TAB2: variants seen among roughly 807,000 people sequenced by gnomAD.
The protein encoded by TAB2 is TGF-beta activated kinase 1 (MAP3K7) binding protein 2.
In TAB2, 3 loss-of-function variants were observed where a neutral mutation model predicts 65.0. That is an observed-to-expected ratio of 0.05 (90% CI 0.02 to 0.12). The LOEUF is 0.12. TAB2 is among the 10% of genes least tolerant of loss of function. The pLI is 1.00. For synonymous variants in TAB2, 298 were observed against 285.1 expected (o/e 1.05, Z -0.46); for missense variants, 623 against 840.3 (o/e 0.74, Z 3.20).
At chr6:149,238,849 T>C (rs1432856575) in intron 1 of TAB2, among the ~76,000 whole-genome samples, 1 of 152,200 alleles carries the variant, frequency 6.6e-6, no homozygotes, top group Non-Finnish European at 1.5e-5. Flanking sequence ...GCTTCTTGAC[T>C]TACTCATGGA....
intron 1 of TAB2, among the ~76,000 whole-genome samples, chr6:149,271,137 G>A (rs1000141325): frequency 6.6e-6 from 1 of 152,024 alleles, no homozygotes; most frequent in Non-Finnish European, 1.5e-5. Flanking sequence ...GAGCCCAGGA[G>A]TTAGAGGCTG....
chr6:149,239,773 A>G (rs1777563470), intron 1 of TAB2, among the ~76,000 whole-genome samples: 1 of 152,194 alleles, frequency 6.6e-6, no homozygotes, highest in Non-Finnish European at 1.5e-5. Flanking sequence ...GAGCACCTAT[A>G]TGTGCCAGAC....
chr6:149,359,487 TG>T (rs1407831334), intron 1 of TAB2, among the ~76,000 whole-genome samples: 1 of 152,236 alleles, frequency 6.6e-6, no homozygotes, highest in African/African-American at 2.4e-5. Flanking sequence ...GGCTTCTATG[TG>T]GCAATGGATA....
At chr6:149,257,776 A>C (rs1189798728) in intron 1 of TAB2, among the ~76,000 whole-genome samples, 1 of 152,022 alleles carries the variant, frequency 6.6e-6, no homozygotes, top group African/African-American at 2.4e-5. Flanking sequence ...ACTCCCCTAA[A>C]ATCTGGGCAG....
At chr6:149,344,445 TGAAG>T (rs1780230310) in intron 1 of TAB2, among the ~76,000 whole-genome samples, 1 of 152,088 alleles carries the variant, frequency 6.6e-6, no homozygotes, top group Non-Finnish European at 1.5e-5. Context: ...TGCTGAACCA[TGAAG>T]GATAAATAGA....
chr6:149,316,097 T>G (rs1286480433), upstream of TAB2, among the ~76,000 whole-genome samples: 1 of 152,218 alleles, frequency 6.6e-6, no homozygotes. Context: ...TGGAAATAAT[T>G]CCTCAGAGAA....
Position 149,378,167 on chromosome 6 carries a change from A to G in TAB2, c.252A>G (p.Ser84=). The change falls in exon 3 of 7, where the codon TCA becomes TCG. Residue 84 remains serine, a synonymous_variant. Coordinates refer to ENST00000637181, the MANE Select transcript of TAB2 (RefSeq NM_001292034.3). The part of the protein sequence containing the change: ...HMTSLNLDLQ[S]QNIYHHGREG... ...CTTCTCTCAACTTGGACTTGCAATC[A>G]CAGAACATTTACCACCATGGAAGAG... 1 of 1,614,186 alleles carries G rather than the reference A, an allele frequency of 6.2e-7. No homozygotes were observed. The highest frequency in any genetic ancestry group is 8.5e-7 in the Non-Finnish European group (1 of 1,180,036).
intron 1 of TAB2, among the ~76,000 whole-genome samples, chr6:149,293,473 C>A (rs1376157841): frequency 6.6e-6 from 1 of 152,130 alleles, no homozygotes; most frequent in East Asian, 1.9e-4. Flanking sequence ...TTTCTGGTTT[C>A]AAAATAGAAC....
intron 1 of TAB2, among the ~76,000 whole-genome samples, chr6:149,335,119 A>G (rs1779894563): frequency 6.6e-6 from 1 of 151,946 alleles, no homozygotes; most frequent in Admixed American, 6.6e-5. Context: ...CACAGTCAGC[A>G]GTAGAGCTTG....
chr6:149,307,014 T>C (rs1483862709), intron 1 of TAB2, among the ~76,000 whole-genome samples: 2 of 152,192 alleles, frequency 1.3e-5, no homozygotes, highest in African/African-American at 4.8e-5. Flanking sequence ...TTGGGACCTA[T>C]ATGAAATCAC....
chr6:149,408,248 G>A (rs775805512), intron 6 of TAB2, among the ~76,000 whole-genome samples: 2 of 152,150 alleles, frequency 1.3e-5, no homozygotes, highest in South Asian at 4.1e-4. Context: ...TTTTTACTTA[G>A]GATAAGACTT....
intron 1 of TAB2, among the ~76,000 whole-genome samples, chr6:149,323,792 G>T (rs1048752202): frequency 1.3e-5 from 2 of 152,082 alleles, no homozygotes; most frequent in African/African-American, 4.8e-5. Flanking sequence ...AGCATGTATC[G>T]TGTGCTTTAT....
chr6:149,384,672 C>G (rs976047312), intron 3 of TAB2, among the ~76,000 whole-genome samples: 1 of 152,168 alleles, frequency 6.6e-6, no homozygotes, highest in Non-Finnish European at 1.5e-5. Flanking sequence ...AGTCATACCA[C>G]CCAACTCTAG....
chr6:149,251,113 C>T (rs553774714), intron 1 of TAB2, among the ~76,000 whole-genome samples: 97 of 152,322 alleles, frequency 6.4e-4, no homozygotes, highest in African/African-American at 2.1e-3. Flanking sequence ...GCCAAGTTAA[C>T]GCTTTCCTTT....
intron 1 of TAB2, among the ~76,000 whole-genome samples, chr6:149,249,660 G>GTC (rs905233865): frequency 1.3e-5 from 2 of 151,854 alleles, no homozygotes; most frequent in East Asian, 1.9e-4. Flanking sequence ...GTGTCTGTCT[G>GTC]TCTCTCTCTC....
chr6:149,286,603 G>A (rs929761712), intron 1 of TAB2, among the ~76,000 whole-genome samples: 3 of 152,136 alleles, frequency 2.0e-5, no homozygotes, highest in Admixed American at 6.6e-5. Flanking sequence ...CCAGTCTGGA[G>A]GGAATAATCT....
At chr6:149,316,601 G>A (rs1779256965), upstream of TAB2, among the ~76,000 whole-genome samples, 1 of 151,604 alleles carries the variant, frequency 6.6e-6, no homozygotes, top group Non-Finnish European at 1.5e-5. Flanking sequence ...ATTTCACATT[G>A]TGAGAAACGT....
intron 1 of TAB2, among the ~76,000 whole-genome samples, chr6:149,299,217 A>C (rs1234597517): frequency 6.6e-6 from 1 of 152,230 alleles, no homozygotes; most frequent in Non-Finnish European, 1.5e-5. Context: ...AATTCTGGTC[A>C]TGAGACTATA....
intron 1 of TAB2, among the ~76,000 whole-genome samples, chr6:149,368,027 A>G (rs1412685108): frequency 1.3e-5 from 2 of 152,188 alleles, no homozygotes; most frequent in Non-Finnish European, 2.9e-5. Context: ...ATTTAAAGCA[A>G]TATATTTGAA....
Sources: allele counts gnomAD v4.1 joint callset (sites outside exome capture counted in the v4.1 genomes callset), GRCh38; gene constraint gnomAD v4.1.1; transcripts MANE v1.5; gene names NCBI Gene and HGNC (gene_info 2026-07-23, HGNC 2026-07-21).